MFSD6: variants seen among roughly 807,000 people sequenced by gnomAD.
MFSD6 encodes major facilitator superfamily domain-containing protein 6.
MFSD6 carries 26 observed loss-of-function variants against 56.3 expected under a neutral mutation model. That is an observed-to-expected ratio of 0.46 (90% CI 0.34 to 0.64). The LOEUF (loss-of-function observed/expected upper bound fraction) is 0.64. MFSD6 is among the 30% of genes least tolerant of loss of function. The probability of loss-of-function intolerance (pLI) is 0.01; values close to 1 mark genes in which losing one functional copy is unlikely to be tolerated. For synonymous variants in MFSD6, 331 were observed against 366.9 expected, an observed-to-expected ratio of 0.90 and a Z score of 1.12; for missense variants, 750 against 986.2, an observed-to-expected ratio of 0.76 and a Z score of 3.21.
At chr2:190,441,808 A>G (rs1308488126) in intron 3 of MFSD6, among the ~76,000 whole-genome samples, 1 of 151,828 alleles carries the variant, frequency 6.6e-6, no homozygotes, top group East Asian at 1.9e-4. Context: ...CTCCAACAAC[A>G]TTCTCTCCTC....
At chr2:190,483,835 CAAAAAAAA>C (rs34089229) in intron 4 of MFSD6, among the ~76,000 whole-genome samples, 3 of 86,680 alleles carry the variant, frequency 3.5e-5, no homozygotes, top group Non-Finnish European at 4.8e-5. Flanking sequence ...AACTCATTTT[CAAAAAAAA>C]AAAAAAAAAA....
rs943565685 is a variant in MFSD6 at position 190,495,139 on chromosome 2, G to T, written c.1892-2300G>T. Among the ~76,000 whole-genome samples the T allele has an allele frequency of 1.3e-5, 2 of 152,082 alleles. No homozygotes were observed. Among genetic ancestry groups the T allele is most frequent in the Non-Finnish European group, 2.9e-5 (2 of 67,974 alleles). The stretch of plus-strand genomic sequence containing the variant: ...CTAAAAGCTCTTAGAACTGATAAAT[G>T]AATTCAGCAAAGTTTCAGGATACAA... On this transcript the variant is annotated intron_variant, in intron 6 of 7. Transcript: ENST00000392328. The surrounding 1 kb of genome is among the most constrained non-coding windows in gnomAD (Gnocchi z 4.7).
At position 190,423,964 on chromosome 2, in the gene MFSD6, A is replaced by G. The variant is rs980862273; in HGVS notation, c.-54+8551A>G. On this transcript the variant is annotated intron_variant, in intron 2 of 7. Coordinates refer to ENST00000392328, the MANE Select transcript of MFSD6 (RefSeq NM_017694.4). This position sits in a 1 kb window ranked among gnomAD's most constrained non-coding sequence, Gnocchi z 4.3. ...ATCCTCTTCAGTGAAATGTCCCTTC[A>G]CGTTTTTTGTCCATTTTCTAATTGG... Among the ~76,000 whole-genome samples the G allele has an allele frequency of 2.6e-5, 4 of 152,014 alleles. No individual in the cohort carries two copies. The highest frequency in any genetic ancestry group is 9.7e-5 in the African/African-American group (4 of 41,376).
At chr2:190,440,803 A>C (rs530623411) in intron 3 of MFSD6, among the ~76,000 whole-genome samples, 16 of 152,208 alleles carry the variant, frequency 1.1e-4, no homozygotes, top group Non-Finnish European at 7.3e-5. Context: ...ATTACTACTT[A>C]ATATTAGCAA....
At chr2:190,411,853 T>A in intron 1 of MFSD6, 1 of 985,390 alleles carries the variant, frequency 1.0e-6, no homozygotes. Context: ...GCATACACAA[T>A]TTATCTGCTT....
Position 190,491,735 on chromosome 2 carries a change from A to C in MFSD6, c.1891+1869A>C, listed in dbSNP as rs1689367593. Reference sequence around the variant, plus strand: ...GAACCAGAACAACAATTCTAGTAATATGACAAAACAAGGTTCTTTAACCTG... The same window carrying C: ...GAACCAGAACAACAATTCTAGTAATCTGACAAAACAAGGTTCTTTAACCTG... On this transcript the variant is annotated intron_variant, in intron 6 of 7. Transcript: ENST00000392328. This position sits in a 1 kb window ranked among gnomAD's most constrained non-coding sequence, Gnocchi z 4.2. 6.6e-6 allele frequency among the ~76,000 whole-genome samples: 1 copy of C among 152,222 alleles called. No individual in the cohort carries two copies. Among genetic ancestry groups the C allele is most frequent in the Non-Finnish European group, 1.5e-5 (1 of 68,050 alleles).
rs540075809 is a variant in MFSD6 at position 190,471,226 on chromosome 2, A to C, written c.1630+1371A>C. The stretch of plus-strand genomic sequence containing the variant: ...AGGTACCGGGTTCATCTCACTGGGG[A>C]TTGTCAGGCAGTGGGTGCAGGATAG... On this transcript the variant is annotated intron_variant, in intron 4 of 7. Coordinates refer to ENST00000392328, the MANE Select transcript of MFSD6 (RefSeq NM_017694.4). This position sits in a 1 kb window ranked among gnomAD's most constrained non-coding sequence, Gnocchi z 4.7. Among the ~76,000 whole-genome samples the C allele has an allele frequency of 2.6e-5, 4 of 152,220 alleles. No individual in the cohort carries two copies. In the South Asian group the frequency reaches 8.3e-4, roughly 32 times the overall value.
rs925521953 is a variant in MFSD6, at chr2:190,434,521, C to T, written c.-53-1456C>T. On this transcript the variant is annotated intron_variant, in intron 2 of 7. Transcript: ENST00000392328. This position sits in a 1 kb window ranked among gnomAD's most constrained non-coding sequence, Gnocchi z 4.3. ...CGCAATCTCAGCTCACTGCAACCTC[C>T]GCCTCCTGGGTTCGAGCAATTTGCC... Among the ~76,000 whole-genome samples the T allele has an allele frequency of 9.2e-5, 14 of 152,142 alleles. No individual in the cohort carries two copies. Among genetic ancestry groups the T allele is most frequent in the East Asian group, 1.9e-4 (1 of 5,190 alleles).
Position 190,488,783 on chromosome 2 carries a change from G to A in MFSD6, c.1757G>A (p.Gly586Asp). The change falls in exon 5 of 8, where the codon GGT (glycine) becomes GAT (aspartate). Residue 586 changes from glycine to aspartate, a missense_variant. By Grantham distance (94) the Gly-to-Asp change is moderately conservative. This residue lies in a region of MFSD6 where 125 missense variants were observed against 223.1 expected (regional missense o/e 0.56). Coordinates refer to ENST00000392328, the MANE Select transcript of MFSD6 (RefSeq NM_017694.4). The surrounding 1 kb of genome is among the most constrained non-coding windows in gnomAD (Gnocchi z 6.4). Reference protein sequence around the residue: ...GLHLGLGRGCGAMIGGVLVNY... With the variant: ...GLHLGLGRGCDAMIGGVLVNY... ...CACCTGGGTTTGGGAAGAGGATGTG[G>A]TGCCATGATCGGAGGCGTGTTAGTC... 1 of 1,603,342 alleles carries A rather than the reference G, an allele frequency of 6.2e-7. No individual in the cohort carries two copies. The highest frequency in any genetic ancestry group is 8.5e-7 in the Non-Finnish European group (1 of 1,175,662).
chr2:190,450,214 T>C (rs995409991), intron 3 of MFSD6, among the ~76,000 whole-genome samples: 3 of 152,126 alleles, frequency 2.0e-5, no homozygotes, highest in Non-Finnish European at 2.9e-5. Flanking sequence ...CTAATTGGGC[T>C]AATTATATTT....
At position 190,487,015 on chromosome 2, in the gene MFSD6, T is replaced by C. The variant is rs11891641; in HGVS notation, c.1631-1642T>C. ...ATATAAAACTGGTAATGGGACATGGTAAATTGTTTCTGCACTCATTTTTTT... is the reference window on the plus strand; with the variant it reads ...ATATAAAACTGGTAATGGGACATGGCAAATTGTTTCTGCACTCATTTTTTT... On this transcript the variant is annotated intron_variant, in intron 4 of 7. Transcript: ENST00000392328. The surrounding 1 kb of genome is among the most constrained non-coding windows in gnomAD (Gnocchi z 5.5). 0.62 allele frequency among the ~76,000 whole-genome samples: 93,956 copies of C among 152,038 alleles called. 29,584 individuals are homozygous for C. Among genetic ancestry groups the C allele is most frequent in the East Asian group, 0.92 (4,754 of 5,188 alleles).
chr2:190,499,716 A>G lies in MFSD6; in HGVS notation c.2173-299A>G. ...CCACATGGCTTGGGGGGCTCAGTAA[A>G]TATTTGCTGATGTAAACTGTTTACC... On this transcript the variant is annotated intron_variant, in intron 7 of 7. Coordinates refer to ENST00000392328, the MANE Select transcript of MFSD6 (RefSeq NM_017694.4). The surrounding 1 kb of genome is among the most constrained non-coding windows in gnomAD (Gnocchi z 6.0). 1 of 1,140,988 alleles carries G rather than the reference A, an allele frequency of 8.8e-7. No individual in the cohort carries two copies. Among genetic ancestry groups the G allele is most frequent in the Admixed American group, 2.5e-5 (1 of 39,998 alleles). 70.7% of individuals were successfully genotyped at this position (1,140,988 alleles called of 1,614,324 possible). A position where few individuals can be genotyped will look rare whatever the true frequency, so the allele number is the denominator to read the frequency against.
rs1283679802 is a variant in MFSD6 at position 190,457,060 on chromosome 2, A to T, written c.1533-12698A>T. ...AGTTCAGAAGTCCAGAAGTCTATCT[A>T]CACTAACACTGCTAGTCCGTTTCTT... On this transcript the variant is annotated intron_variant, in intron 3 of 7. Transcript: ENST00000392328. This position sits in a 1 kb window ranked among gnomAD's most constrained non-coding sequence, Gnocchi z 5.1. Among the ~76,000 whole-genome samples, 2 of 152,224 alleles carry T rather than the reference A, an allele frequency of 1.3e-5. No individual in the cohort carries two copies. Among genetic ancestry groups the T allele is most frequent in the African/African-American group, 4.8e-5 (2 of 41,454 alleles).
intron 2 of MFSD6, among the ~76,000 whole-genome samples, chr2:190,421,181 G>C (rs1016145632): frequency 3.9e-5 from 6 of 152,118 alleles, no homozygotes; most frequent in Non-Finnish European, 8.8e-5. Context: ...TAATCACTTG[G>C]ACAATTCAGG....
At position 190,438,241 on chromosome 2, in the gene MFSD6, AC is replaced by A. The variant is rs1686246291; in HGVS notation, c.1532+681del. ...AAAAAAAAAAATCTATAGGCTGGGC[AC>A]AGTGGCTCACACCTGCTAATCCCAG... On this transcript the variant is annotated intron_variant, in intron 3 of 7. Transcript: ENST00000392328. This position sits in a 1 kb window ranked among gnomAD's most constrained non-coding sequence, Gnocchi z 5.2. 6.6e-6 allele frequency among the ~76,000 whole-genome samples: 1 copy of A among 151,722 alleles called. No homozygotes were observed. Among genetic ancestry groups the A allele is most frequent in the South Asian group, 2.1e-4 (1 of 4,820 alleles).
rs59001642 is a variant in MFSD6, at chr2:190,417,965, GGTGTGTGTGTGTGTGTGTGT to G, written c.-54+2569_-54+2588del. On this transcript the variant is annotated intron_variant, in intron 2 of 7. Coordinates refer to ENST00000392328, the MANE Select transcript of MFSD6 (RefSeq NM_017694.4). The surrounding 1 kb of genome is among the most constrained non-coding windows in gnomAD (Gnocchi z 5.7). ...CTGACTTTTCATTTAACCCTTTAGTGGTGTGTGTGTGTGTGTGTGTGTGTGTGTGTGTGTGTATGTGAGAG... is the reference window on the plus strand; with the variant it reads ...CTGACTTTTCATTTAACCCTTTAGTGGTGTGTGTGTGTGTGTATGTGAGAG... Among the ~76,000 whole-genome samples, 1 of 144,612 alleles carries G rather than the reference GGTGTGTGTGTGTGTGTGTGT, an allele frequency of 6.9e-6. No homozygotes were observed. The highest frequency in any genetic ancestry group is 1.5e-5 in the Non-Finnish European group (1 of 66,586). 94.9% of individuals were successfully genotyped at this position (144,612 alleles called of 152,430 possible).
Position 190,479,602 on chromosome 2 carries a change from G to A in MFSD6, c.1631-9055G>A, listed in dbSNP as rs145529182. On this transcript the variant is annotated intron_variant, in intron 4 of 7. Transcript: ENST00000392328. ...ACTTGTTATTCTCCTTCCTCTGTGG[G>A]TGTTGGTTGCAAATCCTTGCAAAAC... Among the ~76,000 whole-genome samples the A allele has an allele frequency of 3.3e-5, 5 of 152,290 alleles. No homozygotes were observed. The East Asian group carries it at 9.6e-4, about 29-fold the overall frequency.
At chr2:190,428,650 CTTGCTTATTTATTTATTTAT>C (rs1486914569) in intron 2 of MFSD6, among the ~76,000 whole-genome samples, 8 of 131,640 alleles carry the variant, frequency 6.1e-5, no homozygotes, top group East Asian at 4.5e-4. Context: ...TTTAGAGATG[CTTGCTTATTTATTTATTTAT>C]TTATTTATTT....
chr2:190,471,742 G>A lies in MFSD6; in HGVS notation c.1630+1887G>A, dbSNP rs1388059437. 6.6e-6 allele frequency among the ~76,000 whole-genome samples: 1 copy of A among 152,194 alleles called. No individual in the cohort carries two copies. The highest frequency in any genetic ancestry group is 1.5e-5 in the Non-Finnish European group (1 of 68,038). On this transcript the variant is annotated intron_variant, in intron 4 of 7. Coordinates refer to ENST00000392328, the MANE Select transcript of MFSD6 (RefSeq NM_017694.4). The surrounding 1 kb of genome is among the most constrained non-coding windows in gnomAD (Gnocchi z 4.7). ...TCCCTGTCTGACAGCTTTGAAGACA[G>A]TAGTTCTCCCAGGACGCAGCTTGAG... is the stretch of plus-strand genomic sequence containing the variant.
Sources: allele counts gnomAD v4.1 joint callset (sites outside exome capture counted in the v4.1 genomes callset), GRCh38; gene constraint gnomAD v4.1.1; regional missense constraint gnomAD v4.1.1; non-coding constraint Gnocchi (gnomAD v3.1); transcripts MANE v1.5; gene names NCBI Gene and HGNC (gene_info 2026-07-23, HGNC 2026-07-21).